SLX9: variants seen among roughly 807,000 people sequenced by gnomAD.
SLX9 encodes SLX9 ribosome biogenesis factor.
A neutral mutation model predicts 20.8 loss-of-function variants in SLX9; 19 were observed. The observed-to-expected ratio is 0.91, with a 90% confidence interval of 0.64 to 1.34. The LOEUF is 1.34. Among genes scored for constraint, SLX9 ranks in the 40% most tolerant of loss-of-function variants. The pLI is 0.00. For missense variants in SLX9, 299 were observed against 322.2 expected (o/e 0.93, Z 0.55); for synonymous variants, 113 against 137.1 (o/e 0.82, Z 1.23).
At chr21:44,959,179 G>C (rs924228696) in intron 2 of SLX9, 7 of 984,976 alleles carry the variant, frequency 7.1e-6, no homozygotes, top group Non-Finnish European at 8.4e-6. Flanking sequence ...CGCAGCGACT[G>C]CCTTTCTCCA....
chr21:44,969,676 C>G (rs935495316), intron 4 of SLX9, among the ~76,000 whole-genome samples: 4 of 152,242 alleles, frequency 2.6e-5, no homozygotes, highest in Admixed American at 6.5e-5. Flanking sequence ...CATGCTGTTG[C>G]TCTGACATGA....
At chr21:44,955,616 C>T (rs940149984) in intron 2 of SLX9, among the ~76,000 whole-genome samples, 2 of 152,138 alleles carry the variant, frequency 1.3e-5, no homozygotes, top group Admixed American at 1.3e-4. Context: ...CCTGGGCTCA[C>T]GCAATCTTCC....
intron 5 of SLX9, among the ~76,000 whole-genome samples, chr21:44,974,687 T>A (rs1335836168): frequency 6.6e-6 from 1 of 152,202 alleles, no homozygotes; most frequent in Admixed American, 6.5e-5. Flanking sequence ...TGCCTCGGCC[T>A]CCTGAGGAGC....
chr21:44,941,151 C>A (rs73906953), intron 1 of SLX9, among the ~76,000 whole-genome samples: 3,741 of 152,244 alleles, frequency 0.025, 168 homozygotes, highest in African/African-American at 0.086. Context: ...ATTATACCTT[C>A]GTTTAGTTCT....
chr21:44,945,329 G>T (rs2084622746), intron 2 of SLX9, among the ~76,000 whole-genome samples: 1 of 152,238 alleles, frequency 6.6e-6, no homozygotes. Context: ...GTCCGCCCGA[G>T]CTGTGTCCCT....
intron 5 of SLX9, among the ~76,000 whole-genome samples, chr21:44,973,955 C>G (rs750134007): frequency 1.3e-5 from 2 of 152,220 alleles, no homozygotes; most frequent in African/African-American, 4.8e-5. Context: ...CCCTCCCCTC[C>G]GCTGGCTGGT....
upstream of SLX9, chr21:44,939,887 G>C (rs2084505194): frequency 3.2e-6 from 2 of 632,316 alleles, no homozygotes; most frequent in Non-Finnish European, 5.1e-6. Flanking sequence ...GGTGAAAGGC[G>C]GAGCGCCGCC....
intron 2 of SLX9, among the ~76,000 whole-genome samples, chr21:44,952,477 A>G (rs2084776274): frequency 6.6e-6 from 1 of 152,248 alleles, no homozygotes; most frequent in Non-Finnish European, 1.5e-5. Flanking sequence ...GCCGCCTTCC[A>G]TCACCAGAAG....
At chr21:44,941,404 T>C (rs1215376151) in intron 1 of SLX9, among the ~76,000 whole-genome samples, 1 of 152,136 alleles carries the variant, frequency 6.6e-6, no homozygotes, top group Non-Finnish European at 1.5e-5. Flanking sequence ...CTATGTGACC[T>C]CTCTCCTTGT....
chr21:44,940,230 AGGGC>A, intron 1 of SLX9, 44 bp downstream of exon 1: 1 of 1,207,908 alleles, frequency 8.3e-7, no homozygotes, highest in East Asian at 3.5e-5. Flanking sequence ...CGTGGGTCCG[AGGGC>A]GGGTGAGCTG....
intron 2 of SLX9, among the ~76,000 whole-genome samples, chr21:44,946,049 G>A (rs560219033): frequency 1.1e-4 from 16 of 152,176 alleles, no homozygotes; most frequent in African/African-American, 2.2e-4. Context: ...TTTGTTTTTC[G>A]TAAGCTCAAA....
In SLX9 at chr21:44,960,101, T is replaced by G; in HGVS notation, c.285T>G (p.Gly95=). ...SARSVPSIRR[G]AEAKTVLPKK... ...CACTCCCGTGTTCTCTTTCCTCAGGTGCAGAGGCCAAGACCGTTTTGCCCA... is the reference window on the plus strand; with the variant it reads ...CACTCCCGTGTTCTCTTTCCTCAGGGGCAGAGGCCAAGACCGTTTTGCCCA... The change falls in exon 3 of 6, where the codon GGT becomes GGG. Residue 95 remains glycine (G), a splice_region_variant and synonymous_variant. Transcript: ENST00000291634. The G allele has an allele frequency of 3.1e-6, 5 of 1,614,180 alleles. No individual in the cohort carries two copies. Among genetic ancestry groups the G allele is most frequent in the Non-Finnish European group, 4.2e-6 (5 of 1,180,012 alleles).
At chr21:44,939,906 C>A, upstream of SLX9, 1 of 762,340 alleles carries the variant, frequency 1.3e-6, no homozygotes, top group Non-Finnish European at 1.9e-6. Context: ...CCACCCTACA[C>A]CCGCGACCCT....
chr21:44,972,431 C>T (rs915612830), intron 4 of SLX9, among the ~76,000 whole-genome samples: 3 of 152,196 alleles, frequency 2.0e-5, no homozygotes, highest in African/African-American at 7.2e-5. Flanking sequence ...CCTGGCCCGC[C>T]CGTGCCCTTA....
intron 2 of SLX9, among the ~76,000 whole-genome samples, chr21:44,946,648 C>T (rs2084647798): frequency 6.6e-6 from 1 of 152,360 alleles, no homozygotes; most frequent in African/African-American, 2.4e-5. Flanking sequence ...AGGAGGCTGT[C>T]CTGTGGGAGG....
At chr21:44,969,195 C>T in intron 4 of SLX9, 1 of 470,370 alleles carries the variant, frequency 2.1e-6, no homozygotes, top group Non-Finnish European at 4.4e-6. Flanking sequence ...AGGTCACGCG[C>T]TGCAGGCCCA....
In SLX9 at chr21:44,943,544, TC is replaced by T. The variant is rs1568927073; in HGVS notation, c.130-135del. 1.4e-5 allele frequency: 16 copies of T among 1,181,348 alleles called. No individual in the cohort carries two copies. In the East Asian group the frequency reaches 3.7e-4, roughly 27 times the overall value. The allele number at this position is 1,181,348 out of a possible 1,614,324, so 73.2% of individuals were successfully genotyped here. A position where few individuals can be genotyped will look rare whatever the true frequency, so the allele number is the denominator to read the frequency against. Reference sequence around the variant, plus strand: ...TCTGCTCTGGGAGGTGAGGGTTGTTTCCCCCAGGTCCTCCCGGGCAGAGAAG... The same window carrying T: ...TCTGCTCTGGGAGGTGAGGGTTGTTTCCCCAGGTCCTCCCGGGCAGAGAAG... On this transcript the variant is annotated intron_variant, in intron 1 of 5. Coordinates refer to ENST00000291634, the MANE Select transcript of SLX9 (RefSeq NM_058190.4).
intron 1 of SLX9, among the ~76,000 whole-genome samples, chr21:44,942,991 G>A (rs191588328): frequency 7.9e-5 from 12 of 152,302 alleles, no homozygotes; most frequent in Non-Finnish European, 1.6e-4. Context: ...AGTGCCTTTA[G>A]CTCAAAATAA....
intron 4 of SLX9, among the ~76,000 whole-genome samples, chr21:44,968,113 G>C (rs113876702): frequency 4.6e-5 from 7 of 151,898 alleles, no homozygotes; most frequent in Admixed American, 4.6e-4. Flanking sequence ...CCCTGCCCTG[G>C]GCAAGGCCTG....
Sources: gnomAD v4.1 joint callset for allele counts (sites outside exome capture counted in the v4.1 genomes callset) on GRCh38, gnomAD v4.1.1 for gene constraint, MANE v1.5 for transcripts, NCBI Gene and HGNC (gene_info 2026-07-23, HGNC 2026-07-21) for gene names.